Variants in SAMD4A observed in about 807,000 individuals in gnomAD.
SAMD4A encodes protein Smaug homolog 1.
SAMD4A carries 33 observed loss-of-function variants against 81.3 expected under a neutral mutation model. That is an observed-to-expected ratio of 0.41 (90% confidence interval 0.31 to 0.54). SAMD4A has a LOEUF of 0.54. Among genes scored for constraint, SAMD4A ranks in the 20% least tolerant of loss-of-function variants. SAMD4A has a pLI of 0.37. For missense variants in SAMD4A, 854 were observed against 951.1 expected (o/e 0.90, Z 1.34); for synonymous variants, 389 against 382.1 (o/e 1.02, Z -0.21).
intron 2 of SAMD4A, among the ~76,000 whole-genome samples, chr14:54,592,071 A>G (rs1338020810): frequency 6.6e-6 from 1 of 150,566 alleles, no homozygotes; most frequent in African/African-American, 2.5e-5. Context: ...CCCCATGTGC[A>G]TCCCACCCAT....
intron 3 of SAMD4A, among the ~76,000 whole-genome samples, chr14:54,729,005 C>A (rs1456621861): frequency 1.3e-5 from 2 of 152,214 alleles, no homozygotes; most frequent in East Asian, 3.8e-4. Context: ...TTAGTAGACA[C>A]AGTTTTAAAA....
chr14:54,761,207 C>T (rs2038389274), intron 7 of SAMD4A, among the ~76,000 whole-genome samples: 1 of 152,230 alleles, frequency 6.6e-6, no homozygotes, highest in Non-Finnish European at 1.5e-5. Flanking sequence ...CCCAAGTTAT[C>T]CCATTTTACA....
intron 2 of SAMD4A, among the ~76,000 whole-genome samples, chr14:54,598,685 CT>C (rs2033975964): frequency 6.6e-6 from 1 of 152,122 alleles, no homozygotes; most frequent in South Asian, 2.1e-4. Flanking sequence ...GAAACATAAG[CT>C]CACAGCAAAA....
chr14:54,580,890 G>A lies in SAMD4A; in HGVS notation c.196+12778G>A, dbSNP rs150835158. On this transcript the variant is annotated intron_variant, in intron 2 of 12. Transcript: ENST00000554335. ...ATTTAAAGAAATTTAACTGACATCC[G>A]TAATCCACAAGGGGTTTACCATCTA... Among the ~76,000 whole-genome samples the A allele has an allele frequency of 1.1e-4, 16 of 152,276 alleles. No homozygotes were observed. In the South Asian group the frequency reaches 1.9e-3, roughly 18 times the overall value.
chr14:54,783,072 C>T (rs961420087), intron 11 of SAMD4A, among the ~76,000 whole-genome samples: 9 of 151,982 alleles, frequency 5.9e-5, no homozygotes, highest in African/African-American at 1.2e-4. Flanking sequence ...GAACACACCC[C>T]GCTGTGGACA....
At chr14:54,734,464 A>G (rs1228631911) in intron 3 of SAMD4A, among the ~76,000 whole-genome samples, 3 of 152,316 alleles carry the variant, frequency 2.0e-5, no homozygotes, top group Admixed American at 6.5e-5. Context: ...AGACCCTGGC[A>G]CCTCAGGTAT....
At chr14:54,722,829 C>T (rs1437578374) in intron 3 of SAMD4A, among the ~76,000 whole-genome samples, 1 of 152,162 alleles carries the variant, frequency 6.6e-6, no homozygotes, top group Non-Finnish European at 1.5e-5. Flanking sequence ...AAGTAATGTT[C>T]TTGGAGGAAG....
intron 2 of SAMD4A, among the ~76,000 whole-genome samples, chr14:54,589,919 G>A (rs542172668): frequency 6.6e-6 from 1 of 152,166 alleles, no homozygotes; most frequent in Middle Eastern, 3.4e-3. Context: ...TAAACCTCTT[G>A]CCCTGAATTA....
chr14:54,597,055 C>G (rs986746476), intron 2 of SAMD4A, among the ~76,000 whole-genome samples: 1 of 151,390 alleles, frequency 6.6e-6, no homozygotes, highest in African/African-American at 2.4e-5. Context: ...AAACAAAACA[C>G]CATATATCTG....
chr14:54,660,863 G>T (rs2035627489), intron 2 of SAMD4A, among the ~76,000 whole-genome samples: 1 of 152,228 alleles, frequency 6.6e-6, no homozygotes. Context: ...GTCAGCCACA[G>T]AATTGTTTGC....
intron 2 of SAMD4A, among the ~76,000 whole-genome samples, chr14:54,631,321 A>G (rs1053094140): frequency 1.3e-5 from 2 of 152,226 alleles, no homozygotes; most frequent in African/African-American, 4.8e-5. Context: ...TCAGAATAAC[A>G]TATGGCCAAA....
chr14:54,734,595 A>G (rs747065932), intron 3 of SAMD4A, among the ~76,000 whole-genome samples: 26 of 152,356 alleles, frequency 1.7e-4, no homozygotes, highest in Admixed American at 2.6e-4. Flanking sequence ...CTGTAAGTCC[A>G]TTAAGTTAGG....
rs979912215 is a variant in SAMD4A, at chr14:54,567,683, G to T, written c.-234G>T. The T allele has an allele frequency of 6.8e-6, 3 of 440,206 alleles. No homozygotes were observed. Among genetic ancestry groups the T allele is most frequent in the African/African-American group, 6.3e-5 (3 of 47,444 alleles). 27.3% of individuals were successfully genotyped at this position (440,206 alleles called of 1,614,324 possible). On this transcript the variant is annotated 5_prime_UTR_variant, in exon 2 of 13. Transcript: ENST00000554335. ...TTTTTTTTTTTAAAGAAACATTTCCGTGCTACTGTCTGTCATCGTCTCTGG... is the reference window on the plus strand; with the variant it reads ...TTTTTTTTTTTAAAGAAACATTTCCTTGCTACTGTCTGTCATCGTCTCTGG...
At chr14:54,717,891 T>TC (rs2037162181) in intron 3 of SAMD4A, among the ~76,000 whole-genome samples, 1 of 151,854 alleles carries the variant, frequency 6.6e-6, no homozygotes. Context: ...AAGGTTTTTT[T>TC]TTTTTTTTTT....
upstream of SAMD4A, among the ~76,000 whole-genome samples, chr14:54,565,471 C>T (rs2032902338): frequency 6.6e-6 from 1 of 152,248 alleles, no homozygotes; most frequent in African/African-American, 2.4e-5. The surrounding 1 kb of genome is among the most constrained non-coding windows in gnomAD (Gnocchi z 5.4). Flanking sequence ...CCGGGCCAGG[C>T]CCTTGGACTA....
At chr14:54,752,212 T>C (rs1434253630) in intron 6 of SAMD4A, among the ~76,000 whole-genome samples, 1 of 152,248 alleles carries the variant, frequency 6.6e-6, no homozygotes, top group Non-Finnish European at 1.5e-5. Context: ...CCTAGACAGG[T>C]CCTCTTCTTA....
At chr14:54,662,678 G>A (rs1479873123) in intron 2 of SAMD4A, among the ~76,000 whole-genome samples, 1 of 151,998 alleles carries the variant, frequency 6.6e-6, no homozygotes, top group Non-Finnish European at 1.5e-5. Context: ...GCCTCCCAAA[G>A]TGCTGGGATT....
chr14:54,661,354 T>C (rs1373317387), intron 2 of SAMD4A, among the ~76,000 whole-genome samples: 1 of 152,248 alleles, frequency 6.6e-6, no homozygotes, highest in Non-Finnish European at 1.5e-5. Context: ...TTGATGCCTT[T>C]TTATTCCCAA....
intron 10 of SAMD4A, 55 bp downstream of exon 10, chr14:54,775,190 C>T (rs552714159): frequency 3.7e-6 from 6 of 1,602,586 alleles, no homozygotes; most frequent in African/African-American, 2.7e-5. Context: ...CCCAAGGCTG[C>T]AGATGTCCCC....
Sources: gnomAD v4.1 joint callset for allele counts (sites outside exome capture counted in the v4.1 genomes callset) on GRCh38, gnomAD v4.1.1 for gene constraint, Gnocchi (gnomAD v3.1) non-coding constraint, MANE v1.5 for transcripts, NCBI Gene and HGNC (gene_info 2026-07-23, HGNC 2026-07-21) for gene names.